TAS1R3: variants seen among roughly 807,000 people sequenced by gnomAD.
TAS1R3 encodes taste 1 receptor member 3, also known as taste receptor type 1 member 3.
TAS1R3 carries 58 observed loss-of-function variants against 46.1 expected under a neutral mutation model. That is an observed-to-expected ratio of 1.26 (90% confidence interval 1.02 to 1.57). TAS1R3 has a LOEUF of 1.57. Among genes scored for constraint, TAS1R3 ranks in the 40% most tolerant of loss-of-function variants. TAS1R3 has a pLI of 0.00. For missense variants in TAS1R3, 1,422 were observed against 1,185.8 expected (o/e 1.20, Z -2.93); for synonymous variants, 724 against 544.7 (o/e 1.33, Z -4.58).
At position 1,333,543 on chromosome 1, in the gene TAS1R3, G is replaced by A; in HGVS notation, c.1638G>A (p.Trp546Ter). 1 of 1,603,344 alleles carries A rather than the reference G, an allele frequency of 6.2e-7. No individual in the cohort carries two copies. Among genetic ancestry groups the A allele is most frequent in the Non-Finnish European group, 8.5e-7 (1 of 1,179,788 alleles). ...GCACCTTTTGTGGCCAGGATGAGTG[G>A]TCCCCGGAGCGAAGCACACGCTGCT... The part of the protein sequence containing the change: ...IACTFCGQDE[W>*]SPERSTRCFR... The change falls in exon 6 of 6, where the codon TGG becomes TGA. Residue 546 changes from tryptophan to a stop codon, truncating the protein, a stop_gained. Coordinates refer to ENST00000339381, the MANE Select transcript of TAS1R3 (RefSeq NM_152228.3). LOFTEE classifies it low-confidence loss of function (END_TRUNC).
chr1:1,333,638 T>C lies in TAS1R3; in HGVS notation c.1733T>C (p.Leu578Pro), dbSNP rs147436130. ...AVLLLLLLLS[L>P]ALGLVLAALG... Reference sequence around the variant, plus strand: ...CTGCTGCTGCTCCTGCTGCTGAGCCTGGCGCTGGGCCTTGTGCTGGCTGCT... The same window carrying C: ...CTGCTGCTGCTCCTGCTGCTGAGCCCGGCGCTGGGCCTTGTGCTGGCTGCT... Residue 578 changes from leucine to proline, a missense_variant, in exon 6 of 6, where the codon CTG becomes CCG. Leu to Pro is a moderately conservative substitution (Grantham distance 98). Transcript: ENST00000339381. 1.6e-4 allele frequency: 260 copies of C among 1,611,718 alleles called. 1 individual carries two copies. Among genetic ancestry groups the C allele is most frequent in the Non-Finnish European group, 2.1e-4 (243 of 1,179,922 alleles).
In TAS1R3 at chr1:1,331,640, TCTC is replaced by T. The variant is rs1312261579; in HGVS notation, c.198_200del (p.Ser67del). ...TCTGCGGTTCTGTGTGGCCCCAGGTTCTCCTCAAACGGCCTGCTCTGGGCACTG... is the reference window on the plus strand; with the variant it reads ...TCTGCGGTTCTGTGTGGCCCCAGGTTCTCAAACGGCCTGCTCTGGGCACTG... On this transcript the variant is annotated inframe_deletion, in exon 2 of 6. Transcript: ENST00000339381. The T allele has an allele frequency of 2.5e-6, 4 of 1,608,954 alleles. No homozygotes were observed. The highest frequency in any genetic ancestry group is 3.3e-5 in the Admixed American group (2 of 59,888).
At position 1,331,387 on chromosome 1, in the gene TAS1R3, C is replaced by T; in HGVS notation, c.42C>T (p.Leu14=). The change falls in exon 1 of 6, where the codon CTC becomes CTT. Residue 14 remains leucine (L), a synonymous_variant. Coordinates refer to ENST00000339381, the MANE Select transcript of TAS1R3 (RefSeq NM_152228.3). ...TCCTGGGCCTCAGCCTCTGGGCTCT[C>T]CTGCACCCTGGGACGGGGGCCCCAT... is the stretch of plus-strand genomic sequence containing the variant. ...PAVLGLSLWA[L]LHPGTGAPLC... 1 of 1,605,520 alleles carries T rather than the reference C, an allele frequency of 6.2e-7. No individual in the cohort carries two copies. The highest frequency in any genetic ancestry group is 1.7e-4 in the Middle Eastern group (1 of 6,030).
chr1:1,331,570 G>A, intron 1 of TAS1R3, 34 bp downstream of exon 1: 1 of 1,601,792 alleles, frequency 6.2e-7, no homozygotes, highest in Middle Eastern at 1.7e-4. Flanking sequence ...TCGGGGTCAG[G>A]GTGACCAGGT....
chr1:1,333,976 G>C lies in TAS1R3; in HGVS notation c.2071G>C (p.Val691Leu). Residue 691 changes from valine to leucine, a missense_variant, in exon 6 of 6, where the codon GTG becomes CTG. By Grantham distance (32) the Val-to-Leu change is conservative. Transcript: ENST00000339381. ...GCTGGTGGTGCTGCTGGCCATGCTG[G>C]TGGAGGTCGCACTGTGCACCTGGTA... ...AWLVVLLAML[V>L]EVALCTWYLV... 6.2e-7 allele frequency: 1 copy of C among 1,600,954 alleles called. No homozygotes were observed. The highest frequency in any genetic ancestry group is 8.5e-7 in the Non-Finnish European group (1 of 1,179,742).
chr1:1,332,832 T>C (rs376746945), intron 3 of TAS1R3, 26 bp downstream of exon 3: 2 of 1,595,114 alleles, frequency 1.3e-6, no homozygotes, highest in Non-Finnish European at 1.7e-6. Context: ...GGGGGTGTGC[T>C]GTCCTCTGCA....
At position 1,334,432 on chromosome 1, in the gene TAS1R3, G is replaced by C. The variant is rs543437187; in HGVS notation, c.2527G>C (p.Gly843Arg). ...TGGGGATGCCCAAGGCCAGAATGAC[G>C]GGAACACAGGAAATCAGGGGAAACA... ...GPGDAQGQND[G>R]NTGNQGKHE Residue 843 changes from glycine (G) to arginine (R), a missense_variant, in exon 6 of 6, where the codon GGG (glycine) becomes CGG (arginine). Transcript: ENST00000339381. 1 of 1,591,072 alleles carries C rather than the reference G, an allele frequency of 6.3e-7. No individual in the cohort carries two copies. The highest frequency in any genetic ancestry group is 8.6e-7 in the Non-Finnish European group (1 of 1,167,108).
Position 1,332,649 on chromosome 1 carries a change from G to A in TAS1R3, c.1118G>A (p.Cys373Tyr). The A allele has an allele frequency of 1.2e-6, 2 of 1,608,060 alleles. No individual in the cohort carries two copies. The highest frequency in any genetic ancestry group is 1.7e-6 in the Non-Finnish European group (2 of 1,179,700). Residue 373 changes from cysteine (C) to tyrosine (Y), a missense_variant, in exon 3 of 6, where the codon TGT becomes TAT. Transcript: ENST00000339381. ...GTGGTGGGCCAGCGCTGCCCGCAGT[G>A]TGACTGCATCACGCTGCAGAACGTG... ...EDVVGQRCPQ[C>Y]DCITLQNVSA...
rs138056288 is a variant in TAS1R3 at position 1,332,588 on chromosome 1, G to A, written c.1057G>A (p.Ala353Thr). The change falls in exon 3 of 6, where the codon GCC becomes ACC. Residue 353 changes from alanine to threonine, a missense_variant. Transcript: ENST00000339381. ...ALATDPAFCS[A>T]LGEREQGLEE... ...GGCCACCGACCCGGCCTTCTGCTCT[G>A]CCCTGGGCGAGAGGGAGCAGGGTCT... 111 of 1,611,408 alleles carry A rather than the reference G, an allele frequency of 6.9e-5. No individual in the cohort carries two copies. In the African/African-American group the frequency reaches 1.3e-3, roughly 18 times the overall value.
rs575697081 is a variant in TAS1R3, at chr1:1,334,738, G to A, written c.*274G>A. The A allele has an allele frequency of 1.7e-4, 68 of 401,670 alleles. No individual in the cohort carries two copies. The highest frequency in any genetic ancestry group is 1.2e-3 in the East Asian group (30 of 24,840). 24.9% of individuals were successfully genotyped at this position (401,670 alleles called of 1,614,324 possible). Reference sequence around the variant, plus strand: ...GACCCACTGTTCTGGAAAGAGGCCCGGAGGGCTCCCAGGGTACCCGCAACC... The same window carrying A: ...GACCCACTGTTCTGGAAAGAGGCCCAGAGGGCTCCCAGGGTACCCGCAACC... On this transcript the variant is annotated 3_prime_UTR_variant, in exon 6 of 6. Transcript: ENST00000339381.
At position 1,333,721 on chromosome 1, in the gene TAS1R3, C is replaced by T. The variant is rs1291760947; in HGVS notation, c.1816C>T (p.Leu606=). Residue 606 remains leucine, a synonymous_variant, in exon 6 of 6, where the codon CTG becomes TTG. Transcript: ENST00000339381. ...SPLVQASGGP[L]ACFGLVCLGL... ...ACTGGTTCAGGCCTCGGGGGGGCCC[C>T]TGGCCTGCTTTGGCCTGGTGTGCCT... The T allele has an allele frequency of 6.2e-7, 1 of 1,607,804 alleles. No individual in the cohort carries two copies. The highest frequency in any genetic ancestry group is 8.5e-7 in the Non-Finnish European group (1 of 1,178,420).
In TAS1R3 at chr1:1,333,822, G is replaced by A; in HGVS notation, c.1917G>A (p.Leu639=). ...SPARCLAQQP[L]SHLPLTGCLS... ...CCCGATGCCTGGCCCAGCAGCCCTT[G>A]TCCCACCTCCCGCTCACGGGCTGCC... Residue 639 remains leucine (L), a synonymous_variant, in exon 6 of 6, where the codon TTG becomes TTA. Transcript: ENST00000339381. 6.3e-7 allele frequency: 1 copy of A among 1,599,788 alleles called. No individual in the cohort carries two copies. The highest frequency in any genetic ancestry group is 8.5e-7 in the Non-Finnish European group (1 of 1,178,998).
rs759693381 is a variant in TAS1R3 at position 1,334,313 on chromosome 1, TG to T, written c.2411del (p.Gly804AlafsTer54). The T allele has an allele frequency of 1.2e-6, 2 of 1,611,800 alleles. No individual in the cohort carries two copies. Among genetic ancestry groups the T allele is most frequent in the Non-Finnish European group, 1.7e-6 (2 of 1,179,256 alleles). On this transcript the variant is annotated frameshift_variant, in exon 6 of 6. Transcript: ENST00000339381. LOFTEE classifies it low-confidence loss of function (END_TRUNC). ...ATGGGCGCCCTCCTGCTCTGTGTCC[TG>T]GGCATCCTGGCTGCCTTCCACCTGC... ...VQMGALLLCV[L>X]GILAAFHLPR...
At position 1,331,815 on chromosome 1, in the gene TAS1R3, C is replaced by G; in HGVS notation, c.369C>G (p.Arg123=). 6.2e-7 allele frequency: 1 copy of G among 1,612,856 alleles called. No homozygotes were observed. Among genetic ancestry groups the G allele is most frequent in the Non-Finnish European group, 8.5e-7 (1 of 1,180,032 alleles). Residue 123 remains arginine, a synonymous_variant, in exon 2 of 6, where the codon CGC becomes CGG. Coordinates refer to ENST00000339381, the MANE Select transcript of TAS1R3 (RefSeq NM_152228.3). Reference sequence around the variant, plus strand: ...TGTTCCTGGCCAAGGCAGGCAGCCGCGACATCGCCGCCTACTGCAACTACA... The same window carrying G: ...TGTTCCTGGCCAAGGCAGGCAGCCGGGACATCGCCGCCTACTGCAACTACA... ...SLMFLAKAGS[R]DIAAYCNYTQ...
chr1:1,331,551 C>T lies in TAS1R3; in HGVS notation c.191+15C>T, dbSNP rs141948726. The T allele has an allele frequency of 2.3e-3, 3,672 of 1,595,648 alleles. 11 individuals carry two copies. Among genetic ancestry groups the T allele is most frequent in the Non-Finnish European group, 2.7e-3 (3,138 of 1,171,502 alleles). ...GTGTGCACCAGGTACAGAGGTGGGA[C>T]GGCCTGGGTCGGGGTCAGGGTGACC... On this transcript the variant is annotated intron_variant, in intron 1 of 5. Coordinates refer to ENST00000339381, the MANE Select transcript of TAS1R3 (RefSeq NM_152228.3).
Position 1,334,273 on chromosome 1 carries a change from A to T in TAS1R3, c.2368A>T (p.Arg790Trp). Reference sequence around the variant, plus strand: ...CCTGGCCAATGTGCAGGTGGTCCTCAGGCCCGCCGTGCAGATGGGCGCCCT... The same window carrying T: ...CCTGGCCAATGTGCAGGTGGTCCTCTGGCCCGCCGTGCAGATGGGCGCCCT... The part of the protein sequence containing the change: ...PLLANVQVVL[R>W]PAVQMGALLL... The change falls in exon 6 of 6, where the codon AGG (arginine) becomes TGG (tryptophan). Residue 790 changes from arginine (R) to tryptophan (W), a missense_variant. Arg to Trp is a moderately radical substitution (Grantham distance 101). Coordinates refer to ENST00000339381, the MANE Select transcript of TAS1R3 (RefSeq NM_152228.3). The T allele has an allele frequency of 6.2e-7, 1 of 1,611,730 alleles. No homozygotes were observed.
rs556919821 is a variant in TAS1R3, at chr1:1,334,647, T to C, written c.*183T>C. ...GCACGTGGACACCCCTGTGACCATCTGGGCCCCAGAGCCAAGCTGTGTCCC... is the reference window on the plus strand; with the variant it reads ...GCACGTGGACACCCCTGTGACCATCCGGGCCCCAGAGCCAAGCTGTGTCCC... On this transcript the variant is annotated 3_prime_UTR_variant, in exon 6 of 6. Transcript: ENST00000339381. 3 of 675,454 alleles carry C rather than the reference T, an allele frequency of 4.4e-6. No individual in the cohort carries two copies. Among genetic ancestry groups the C allele is most frequent in the Admixed American group, 6.2e-5 (2 of 32,204 alleles). The allele number at this position is 675,454 out of a possible 1,614,324, so 41.8% of individuals were successfully genotyped here.
Position 1,331,752 on chromosome 1 carries a change from G to T in TAS1R3, c.306G>T (p.Thr102=). 6.2e-7 allele frequency: 1 copy of T among 1,612,914 alleles called. No individual in the cohort carries two copies. The highest frequency in any genetic ancestry group is 1.1e-5 in the South Asian group (1 of 91,086). The change falls in exon 2 of 6, where the codon ACG becomes ACT. Residue 102 remains threonine (T), a synonymous_variant. Coordinates refer to ENST00000339381, the MANE Select transcript of TAS1R3 (RefSeq NM_152228.3). ...GLRLGYDLFD[T]CSEPVVAMKP... The stretch of plus-strand genomic sequence containing the variant: ...GCCTGGGCTACGACCTCTTTGATAC[G>T]TGCTCGGAGCCTGTGGTGGCCATGA...
At chr1:1,333,213 TG>T in intron 4 of TAS1R3, 45 bp from the exon 5 acceptor site, 4 of 1,594,182 alleles carry the variant, frequency 2.5e-6, no homozygotes, top group Non-Finnish European at 2.6e-6. Flanking sequence ...CAGTCTCCCG[TG>T]GGCATGCCCA....
Sources: allele counts gnomAD v4.1 joint callset, GRCh38; gene constraint gnomAD v4.1.1; transcripts MANE v1.5; gene names NCBI Gene and HGNC (gene_info 2026-07-23, HGNC 2026-07-21).